GPR158: variants seen among roughly 807,000 people sequenced by gnomAD.
The protein encoded by GPR158 is G protein-coupled receptor 158, also known as metabotropic glycine receptor.
A neutral mutation model predicts 78.2 loss-of-function variants in GPR158; 30 were observed. The observed-to-expected ratio is 0.38, with a 90% CI of 0.29 to 0.52. The LOEUF (loss-of-function observed/expected upper bound fraction) is 0.52, where lower values mean the gene tolerates loss of function less well. Among genes scored for constraint, GPR158 ranks in the 20% least tolerant of loss-of-function variants. The probability of loss-of-function intolerance (pLI) is 0.83; values close to 1 mark genes in which losing one functional copy is unlikely to be tolerated. For synonymous variants in GPR158, 581 were observed against 591.1 expected (o/e 0.98, Z 0.25); for missense variants, 1,463 against 1,523.5 (o/e 0.96, Z 0.66).
intron 1 of GPR158, among the ~76,000 whole-genome samples, chr10:25,216,323 G>C (rs1275926693): frequency 6.6e-6 from 1 of 152,152 alleles, no homozygotes; most frequent in South Asian, 2.1e-4. Context: ...CCATTGTTTT[G>C]TAGTGATGGA....
At chr10:25,487,536 T>A (rs984271004) in intron 5 of GPR158, among the ~76,000 whole-genome samples, 2 of 152,098 alleles carry the variant, frequency 1.3e-5, no homozygotes, top group Non-Finnish European at 2.9e-5. Flanking sequence ...AGTATAGAGG[T>A]TAAGGATGTG....
At chr10:25,279,158 C>A (rs951902014) in intron 2 of GPR158, among the ~76,000 whole-genome samples, 7 of 152,072 alleles carry the variant, frequency 4.6e-5, no homozygotes, top group Non-Finnish European at 7.3e-5. Flanking sequence ...ACTACTGCTG[C>A]TGCTACTGCT....
chr10:25,498,910 A>G (rs774122075), intron 5 of GPR158, among the ~76,000 whole-genome samples: 1 of 151,948 alleles, frequency 6.6e-6, no homozygotes, highest in Admixed American at 6.6e-5. Context: ...GAGCGCAATG[A>G]CTCATTTGCT....
chr10:25,518,326 C>G (rs867889306), intron 5 of GPR158, among the ~76,000 whole-genome samples: 1,880 of 82,882 alleles, frequency 0.023, 56 homozygotes, highest in South Asian at 0.054. Flanking sequence ...AAAACCAGCT[C>G]CTGGATTCAT....
chr10:25,255,709 C>T (rs1461933921), intron 2 of GPR158, among the ~76,000 whole-genome samples: 1 of 152,168 alleles, frequency 6.6e-6, no homozygotes, highest in Non-Finnish European at 1.5e-5. Flanking sequence ...TTCAGAACAA[C>T]CAGGAGAATT....
rs556962420 is a variant in GPR158 at position 25,471,941 on chromosome 10, T to G, written c.1404+5222T>G. 3.4e-3 allele frequency among the ~76,000 whole-genome samples: 525 copies of G among 152,340 alleles called. 5 individuals are homozygous for G. Among genetic ancestry groups the G allele is most frequent in the Non-Finnish European group, 5.4e-3 (370 of 68,022 alleles). On this transcript the variant is annotated intron_variant, in intron 5 of 10. Coordinates refer to ENST00000376351, the MANE Select transcript of GPR158 (RefSeq NM_020752.3). The stretch of plus-strand genomic sequence containing the variant: ...TGTTCACTCTGATGGTAGTTTCTTT[T>G]GCTGTGCAGAAGCCCTTTAGTTTAA...
rs553728307 is a variant in GPR158 at position 25,491,633 on chromosome 10, A to G, written c.1404+24914A>G. 8.5e-5 allele frequency among the ~76,000 whole-genome samples: 13 copies of G among 152,282 alleles called. No individual in the cohort carries two copies. The East Asian group carries it at 2.1e-3, about 25-fold the overall frequency. On this transcript the variant is annotated intron_variant, in intron 5 of 10. Transcript: ENST00000376351. ...TCTAATTTTAAACATGTAATTCTTG[A>G]TGGGTTTTGTATTATAAAAATACTT...
At chr10:25,247,245 T>G (rs1300373494) in intron 2 of GPR158, among the ~76,000 whole-genome samples, 5 of 152,184 alleles carry the variant, frequency 3.3e-5, no homozygotes, top group Non-Finnish European at 7.3e-5. Context: ...AACCCTGAAC[T>G]GAGTCTTGTG....
intron 2 of GPR158, among the ~76,000 whole-genome samples, chr10:25,260,066 T>G (rs1161547058): frequency 2.0e-5 from 3 of 152,160 alleles, no homozygotes; most frequent in Non-Finnish European, 4.4e-5. Context: ...TCTAGTACAA[T>G]GTTGAATACA....
At chr10:25,444,544 G>T (rs12261086) in intron 4 of GPR158, among the ~76,000 whole-genome samples, 1 of 150,706 alleles carries the variant, frequency 6.6e-6, no homozygotes, top group East Asian at 2.0e-4. Flanking sequence ...TGTGTGTGTG[G>T]TGTGTGTGGA....
rs1837028198 is a variant in GPR158 at position 25,572,808 on chromosome 10, T to C, written c.1674T>C (p.Leu558=). The C allele has an allele frequency of 6.2e-7, 1 of 1,613,842 alleles. No individual in the cohort carries two copies. The highest frequency in any genetic ancestry group is 8.5e-7 in the Non-Finnish European group (1 of 1,179,884). ...VCQNLEKQIS[L]IGQGKTSDHL... ...AGAATTTGGAGAAACAGATTTCACT[T>C]ATTGGCCAGGGGAAAACATCCGATC... is the stretch of plus-strand genomic sequence containing the variant. Residue 558 remains leucine (L), a synonymous_variant, in exon 7 of 11, where the codon CTT becomes CTC. Transcript: ENST00000376351.
chr10:25,470,491 A>G (rs1449118942), intron 5 of GPR158, among the ~76,000 whole-genome samples: 1 of 152,118 alleles, frequency 6.6e-6, no homozygotes, highest in Non-Finnish European at 1.5e-5. Context: ...ATAAATTTGT[A>G]TTCTTTGTAA....
chr10:25,370,751 T>G (rs1833976466), intron 2 of GPR158, among the ~76,000 whole-genome samples: 1 of 151,064 alleles, frequency 6.6e-6, no homozygotes, highest in Admixed American at 6.6e-5. Context: ...TTGATCTGTC[T>G]AATTTTGACA....
Position 25,508,915 on chromosome 10 carries a change from C to T in GPR158, c.1405-42061C>T, listed in dbSNP as rs190439637. Among the ~76,000 whole-genome samples, 6 of 152,276 alleles carry T rather than the reference C, an allele frequency of 3.9e-5. No homozygotes were observed. The East Asian group carries it at 5.8e-4, about 15-fold the overall frequency. On this transcript the variant is annotated intron_variant, in intron 5 of 10. Transcript: ENST00000376351. The stretch of plus-strand genomic sequence containing the variant: ...TGTCAGCTGCAGGTATGTTTTAACA[C>T]GCCTTAGCATCTTTTTTTCTCCCAC...
rs756858919 is a variant in GPR158, at chr10:25,586,272, G to T, written c.1754-2735G>T. Among the ~76,000 whole-genome samples the T allele has an allele frequency of 3.1e-4, 47 of 152,028 alleles. 1 individual carries two copies. The highest frequency in any genetic ancestry group is 3.4e-3 in the Middle Eastern group (1 of 292). On this transcript the variant is annotated intron_variant, in intron 7 of 10. Transcript: ENST00000376351. ...CCACAAGCAAGAATAAATAAATAAA[G>T]TCAAGCAACATGGGCAGCTAATGTG...
chr10:25,268,192 G>A (rs902798372), intron 2 of GPR158, among the ~76,000 whole-genome samples: 8 of 152,040 alleles, frequency 5.3e-5, no homozygotes, highest in Non-Finnish European at 1.2e-4. Flanking sequence ...AATAAAGTGA[G>A]CTTAAAGAAT....
intron 2 of GPR158, among the ~76,000 whole-genome samples, chr10:25,252,680 T>C (rs1379299738): frequency 1.3e-5 from 2 of 152,164 alleles, no homozygotes; most frequent in East Asian, 3.9e-4. Flanking sequence ...TTCTCAGATC[T>C]CCAGCTGCGT....
intron 2 of GPR158, among the ~76,000 whole-genome samples, chr10:25,238,376 C>G (rs996903961): frequency 6.6e-6 from 1 of 152,158 alleles, no homozygotes; most frequent in South Asian, 2.1e-4. Flanking sequence ...GGTTGCATAT[C>G]TTTTACAGTA....
intron 2 of GPR158, among the ~76,000 whole-genome samples, chr10:25,237,978 T>A (rs898241146): frequency 6.6e-6 from 1 of 152,122 alleles, no homozygotes; most frequent in Non-Finnish European, 1.5e-5. Context: ...CTTCACTTAC[T>A]TCACTGTCTC....
Sources: gnomAD v4.1 joint callset for allele counts (sites outside exome capture counted in the v4.1 genomes callset) on GRCh38, gnomAD v4.1.1 for gene constraint, MANE v1.5 for transcripts, NCBI Gene and HGNC (gene_info 2026-07-23, HGNC 2026-07-21) for gene names.